Variants in CYP4A11 observed in about 807,000 individuals in gnomAD.
CYP4A11 encodes cytochrome P450 family 4 subfamily A member 11.
CYP4A11 carries 52 observed loss-of-function variants against 57.7 expected under a neutral mutation model. The ratio of observed to expected loss-of-function variants is 0.90; its 90% CI spans 0.72 to 1.14. The LOEUF (loss-of-function observed/expected upper bound fraction) is 1.14, where lower values mean the gene tolerates loss of function less well. Ranked by LOEUF, CYP4A11 falls within the 50% of genes most tolerant of loss-of-function variation. The pLI, the probability that CYP4A11 is intolerant of heterozygous loss-of-function variation, is 0.00. For missense variants in CYP4A11, 641 were observed against 642.1 expected, an observed-to-expected ratio of 1.00 and a Z score of 0.02; for synonymous variants, 228 against 247.1, an observed-to-expected ratio of 0.92 and a Z score of 0.72.
In CYP4A11 at chr1:46,936,701, T is replaced by C. The variant is rs143639289; in HGVS notation, c.473A>G (p.Tyr158Cys). The change falls in exon 4 of 12, where the codon TAT becomes TGT. Residue 158 changes from tyrosine (Y) to cysteine (C), a missense_variant. Tyr to Cys is a radical substitution (Grantham distance 194). Transcript: ENST00000310638. ...PAFHYDILKP[Y>C]VGLMADSVRV... ...TACAGAGTCTGCCATGAGCCCCACATAGGGCTTCAGGATGTCATAGTGGAA... is the reference window on the plus strand; with the variant it reads ...TACAGAGTCTGCCATGAGCCCCACACAGGGCTTCAGGATGTCATAGTGGAA... The C allele has an allele frequency of 2.5e-4, 401 of 1,613,476 alleles. 2 individuals carry two copies. The African/African-American group carries it at 4.7e-3, about 19-fold the overall frequency.
In CYP4A11 at chr1:46,935,531, C is replaced by A; in HGVS notation, c.627G>T (p.Gln209His). 4 of 1,613,886 alleles carry A rather than the reference C, an allele frequency of 2.5e-6. No homozygotes were observed. Among genetic ancestry groups the A allele is most frequent in the Non-Finnish European group, 3.4e-6 (4 of 1,179,814 alleles). ...GGAGGGTTGTCACTGACCTGTCCAC[C>A]TGGATGCTGCCCTGATGGCTGAAGG... is the stretch of plus-strand genomic sequence containing the variant. ...KCAFSHQGSI[Q>H]VDRNSQSYIQ... is the part of the protein sequence containing the mutation. Residue 209 changes from glutamine (Q) to histidine (H), a missense_variant, in exon 5 of 12, where the codon CAG (glutamine) becomes CAT (histidine). Transcript: ENST00000310638.
intron 1 of CYP4A11, among the ~76,000 whole-genome samples, chr1:46,939,550 A>G (rs1224773431): frequency 1.3e-5 from 2 of 152,210 alleles, no homozygotes; most frequent in African/African-American, 2.4e-5. Flanking sequence ...GGTTACAAAC[A>G]TAAATCAGAG....
At chr1:46,935,461 T>G in intron 5 of CYP4A11, 62 bp downstream of exon 5, 1 of 1,530,942 alleles carries the variant, frequency 6.5e-7, no homozygotes, top group East Asian at 2.3e-5. Context: ...CACCTGCCCC[T>G]CAGGTATGTG....
chr1:46,931,520 T>C, intron 11 of CYP4A11: 4 of 805,524 alleles, frequency 5.0e-6, no homozygotes, highest in Non-Finnish European at 6.0e-6. Context: ...GAAATACTTC[T>C]ATATTTGAAT....
rs144597719 is a variant in CYP4A11, at chr1:46,934,179, G to A, written c.1085C>T (p.Thr362Ile). The change falls in exon 8 of 12, where the codon ACC becomes ATC. Residue 362 changes from threonine (T) to isoleucine (I), a missense_variant. Coordinates refer to ENST00000310638, the MANE Select transcript of CYP4A11 (RefSeq NM_000778.4). The stretch of plus-strand genomic sequence containing the variant: ...CATCTTTTGAGCCCTCACTCACCAG[G>A]TGATGGAGGCTCCATCACCCAGGAG... ...HSLLGDGASI[T>I]WNHLDQMPYT... 621 of 1,613,674 alleles carry A rather than the reference G, an allele frequency of 3.8e-4. 1 individual carries two copies. Among genetic ancestry groups the A allele is most frequent in the Non-Finnish European group, 4.9e-4 (580 of 1,179,808 alleles).
intron 1 of CYP4A11, chr1:46,940,666 T>C (rs1359844679): frequency 4.5e-5 from 44 of 985,232 alleles, no homozygotes; most frequent in Admixed American, 6.1e-5. Context: ...ATTCCGTGAG[T>C]CTTGGGGAAA....
In CYP4A11 at chr1:46,941,325, G is replaced by C; in HGVS notation, c.109C>G (p.Leu37Val). 6.2e-7 allele frequency: 1 copy of C among 1,614,192 alleles called. No individual in the cohort carries two copies. Among genetic ancestry groups the C allele is most frequent in the Non-Finnish European group, 8.5e-7 (1 of 1,180,034 alleles). Residue 37 changes from leucine (L) to valine (V), a missense_variant, in exon 1 of 12, where the codon CTC (leucine) becomes GTC (valine). Coordinates refer to ENST00000310638, the MANE Select transcript of CYP4A11 (RefSeq NM_000778.4). ...LLLLLIKAVQLYLHRQWLLKA... is the reference protein window; with the variant it reads ...LLLLLIKAVQVYLHRQWLLKA... The stretch of plus-strand genomic sequence containing the variant: ...AGCAGCCACTGCCTGTGCAGGTAGA[G>C]CTGAACTGCCTTGATCAGCAGCAGA...
In CYP4A11 at chr1:46,930,075, G is replaced by A; in HGVS notation, c.*40C>T. On this transcript the variant is annotated 3_prime_UTR_variant, in exon 12 of 12. Transcript: ENST00000310638. ...GATATGGGCAGACAGGAAGGGGACA[G>A]AAGCGGGGGTCAGGAAGACAGGACG... 2 of 1,578,778 alleles carry A rather than the reference G, an allele frequency of 1.3e-6. No homozygotes were observed. The highest frequency in any genetic ancestry group is 2.3e-5 in the East Asian group (1 of 44,338).
At chr1:46,932,858 C>T (rs1273269218) in intron 10 of CYP4A11, 21 bp from the exon 11 acceptor site, 18 of 1,614,022 alleles carry the variant, frequency 1.1e-5, no homozygotes, top group Non-Finnish European at 1.5e-5. Flanking sequence ...AGCACCAGAG[C>T]CAGGATAGTT....
intron 4 of CYP4A11, among the ~76,000 whole-genome samples, chr1:46,936,193 T>C (rs1402698643): frequency 6.6e-6 from 1 of 152,240 alleles, no homozygotes; most frequent in Non-Finnish European, 1.5e-5. Flanking sequence ...AAGGTATTGC[T>C]CTGAGAACAT....
At chr1:46,940,809 CT>C in intron 1 of CYP4A11, 1 of 985,396 alleles carries the variant, frequency 1.0e-6, no homozygotes, top group Non-Finnish European at 1.2e-6. Flanking sequence ...CCATAAACTC[CT>C]CATGGCATGG....
At chr1:46,940,606 G>A (rs1307002112) in intron 1 of CYP4A11, 2 of 929,636 alleles carry the variant, frequency 2.2e-6, no homozygotes, top group African/African-American at 3.6e-5. Context: ...CCCCCCTCAT[G>A]TGTACCCATA....
At chr1:46,933,197 G>C (rs540094739) in intron 9 of CYP4A11, 150 bp from the exon 10 acceptor site, 2 of 1,156,454 alleles carry the variant, frequency 1.7e-6, no homozygotes, top group Non-Finnish European at 2.5e-6. Flanking sequence ...ATGCAGGTGG[G>C]TTAGGCTTAA....
intron 1 of CYP4A11, chr1:46,940,808 C>A: frequency 1.1e-5 from 11 of 985,414 alleles, no homozygotes; most frequent in Non-Finnish European, 1.3e-5. Flanking sequence ...ACCATAAACT[C>A]CTCATGGCAT....
In CYP4A11 at chr1:46,929,498, A is replaced by C. The variant is rs1680880669; in HGVS notation, c.*617T>G. ...AAGTGCAGATTATTTATTGGTGATCAAACAAAGAAACAGGTGGTGAGAATG... is the reference window on the plus strand; with the variant it reads ...AAGTGCAGATTATTTATTGGTGATCCAACAAAGAAACAGGTGGTGAGAATG... On this transcript the variant is annotated 3_prime_UTR_variant, in exon 12 of 12. Transcript: ENST00000310638. 1 of 99,456 alleles carries C rather than the reference A, an allele frequency of 1.0e-5. No homozygotes were observed. Among genetic ancestry groups the C allele is most frequent in the Non-Finnish European group, 2.5e-5 (1 of 40,696 alleles). 6.2% of individuals were successfully genotyped at this position (99,456 alleles called of 1,614,324 possible). A position where few individuals can be genotyped will look rare whatever the true frequency, so the allele number is the denominator to read the frequency against.
In CYP4A11 at chr1:46,941,278, C is replaced by G; in HGVS notation, c.156G>C (p.Pro52=). The part of the protein sequence containing the change: ...QWLLKALQQF[P]CPPSHWLFGH... Reference sequence around the variant, plus strand: ...CGAAGAGCCAGTGGGAGGGAGGGCACGGGAACTGCTGGAGGGCTTTGAGCA... The same window carrying G: ...CGAAGAGCCAGTGGGAGGGAGGGCAGGGGAACTGCTGGAGGGCTTTGAGCA... Residue 52 remains proline, a synonymous_variant, in exon 1 of 12, where the codon CCG becomes CCC. Transcript: ENST00000310638. 6.2e-7 allele frequency: 1 copy of G among 1,614,032 alleles called. No homozygotes were observed. Among genetic ancestry groups the G allele is most frequent in the Non-Finnish European group, 8.5e-7 (1 of 1,179,962 alleles).
At chr1:46,933,462 C>A (rs1681162595) in intron 9 of CYP4A11, among the ~76,000 whole-genome samples, 1 of 152,190 alleles carries the variant, frequency 6.6e-6, no homozygotes, top group African/African-American at 2.4e-5. Context: ...TATGTTCACA[C>A]AACTAGGTTA....
rs756767633 is a variant in CYP4A11 at position 46,936,666 on chromosome 1, G to A, written c.508C>T (p.Leu170=). 7 of 1,600,536 alleles carry A rather than the reference G, an allele frequency of 4.4e-6. No individual in the cohort carries two copies. Among genetic ancestry groups the A allele is most frequent in the Non-Finnish European group, 6.0e-6 (7 of 1,173,114 alleles). Residue 170 remains leucine, a splice_region_variant and synonymous_variant, in exon 4 of 12, where the codon CTG becomes TTG. Coordinates refer to ENST00000310638, the MANE Select transcript of CYP4A11 (RefSeq NM_000778.4). The part of the protein sequence containing the change: ...GLMADSVRVM[L]DKWEELLGQD... The stretch of plus-strand genomic sequence containing the variant: ...AGAGGAGAGAGACATGGACTCACCA[G>A]CATCACTCGTACAGAGTCTGCCATG...
intron 11 of CYP4A11, chr1:46,931,607 C>G (rs557031904): frequency 1.4e-6 from 1 of 691,882 alleles, no homozygotes; most frequent in African/African-American, 1.9e-5. Context: ...AGAAATGGAC[C>G]TTAGGAATGC....
Sources: allele counts gnomAD v4.1 joint callset (sites outside exome capture counted in the v4.1 genomes callset), GRCh38; gene constraint gnomAD v4.1.1; transcripts MANE v1.5; gene names NCBI Gene and HGNC (gene_info 2026-07-23, HGNC 2026-07-21).